The following PLEKHB1 variants were observed in gnomAD, a reference collection of about 807,000 sequenced individuals.
The protein encoded by PLEKHB1 is pleckstrin homology domain-containing family B member 1.
Under a neutral mutation model 36.2 loss-of-function variants are expected in PLEKHB1, and 29 were observed. The observed-to-expected ratio is 0.80, with a 90% CI of 0.60 to 1.09. The LOEUF is 1.09. Among genes scored for constraint, PLEKHB1 ranks in the 50% least tolerant of loss-of-function variants. PLEKHB1 has a pLI of 0.00. For missense variants in PLEKHB1, 330 were observed against 348.2 expected, an observed-to-expected ratio of 0.95 and a Z score of 0.42; for synonymous variants, 138 against 140.0, an observed-to-expected ratio of 0.99 and a Z score of 0.10.
At chr11:73,657,774 C>G (rs1265557319) in intron 6 of PLEKHB1, among the ~76,000 whole-genome samples, 1 of 152,174 alleles carries the variant, frequency 6.6e-6, no homozygotes, top group Non-Finnish European at 1.5e-5. Context: ...CCCTCCAACC[C>G]CTTTTGGGCC....
chr11:73,661,794 A>G lies in PLEKHB1; in HGVS notation c.*192A>G. On this transcript the variant is annotated 3_prime_UTR_variant, in exon 8 of 8. Coordinates refer to ENST00000354190, the MANE Select transcript of PLEKHB1 (RefSeq NM_021200.3). This position sits in a 1 kb window ranked among gnomAD's most constrained non-coding sequence, Gnocchi z 4.6. ...ATGGGAAGAAGCTATCATCACAGGT[A>G]CAAACATCGCTTGAAGTCTTCACAT... 2 of 673,984 alleles carry G rather than the reference A, an allele frequency of 3.0e-6. No individual in the cohort carries two copies. Among genetic ancestry groups the G allele is most frequent in the East Asian group, 3.1e-5 (1 of 31,936 alleles). 41.8% of individuals were successfully genotyped at this position (673,984 alleles called of 1,614,324 possible).
chr11:73,649,006 T>G lies in PLEKHB1; in HGVS notation c.19-6T>G. 1 of 1,587,928 alleles carries G rather than the reference T, an allele frequency of 6.3e-7. No individual in the cohort carries two copies. Among genetic ancestry groups the G allele is most frequent in the Non-Finnish European group, 8.6e-7 (1 of 1,167,228 alleles). ...AGGCCTGTGTCTCCCGTGGCTCCTC[T>G]GACAGGTCCCGCCTGACTCCGCTCT... On this transcript the variant is annotated splice_region_variant and splice_polypyrimidine_tract_variant and intron_variant, in intron 1 of 7. Transcript: ENST00000354190.
intron 1 of PLEKHB1, chr11:73,647,837 G>A (rs908253456): frequency 1.0e-6 from 1 of 976,672 alleles, no homozygotes; most frequent in Non-Finnish European, 1.2e-6. Context: ...GCGGCAAGAG[G>A]AACAGACAAG....
rs189076056 is a variant in PLEKHB1 at position 73,650,362 on chromosome 11, A to C, written c.95-191A>C. ...CACGTGTATCGAGCTTCTGCTATGC[A>C]TCAGACCCAATGGGAGGCAGGAGGT... On this transcript the variant is annotated intron_variant, in intron 2 of 7. Coordinates refer to ENST00000354190, the MANE Select transcript of PLEKHB1 (RefSeq NM_021200.3). Among the ~76,000 whole-genome samples, 82 of 152,328 alleles carry C rather than the reference A, an allele frequency of 5.4e-4. No homozygotes were observed. In the East Asian group the frequency reaches 9.1e-3, roughly 17 times the overall value.
intron 1 of PLEKHB1, chr11:73,647,643 T>C: frequency 1.0e-6 from 1 of 985,356 alleles, no homozygotes; most frequent in Non-Finnish European, 1.2e-6. Flanking sequence ...CCCCAGGCTC[T>C]CCGGGGCACA....
At chr11:73,650,789 CT>C in intron 3 of PLEKHB1, 84 bp downstream of exon 3, 1 of 1,420,280 alleles carries the variant, frequency 7.0e-7, no homozygotes. Context: ...TGTTGGAAGT[CT>C]TTTTGCAGCT....
At position 73,653,472 on chromosome 11, in the gene PLEKHB1, G is replaced by A. The variant is rs74620362; in HGVS notation, c.390+458G>A. On this transcript the variant is annotated intron_variant, in intron 5 of 7. Coordinates refer to ENST00000354190, the MANE Select transcript of PLEKHB1 (RefSeq NM_021200.3). ...TGCCAGGGATCAGAGGTGAACCAAG[G>A]AGATATGGGCTCTGCCCACCTGGAC... is the stretch of plus-strand genomic sequence containing the variant. 1.4e-4 allele frequency: 65 copies of A among 462,154 alleles called. 1 individual carries two copies. The East Asian group carries it at 4.4e-3, about 31-fold the overall frequency. The allele number at this position is 462,154 out of a possible 1,614,324, so 28.6% of individuals were successfully genotyped here.
At chr11:73,660,919 CGGTCCGTAAGTCCGGACCAG>C (rs1180828600) in intron 7 of PLEKHB1, 67 bp downstream of exon 7, 1 of 1,423,526 alleles carries the variant, frequency 7.0e-7, no homozygotes, top group Non-Finnish European at 9.7e-7. Context: ...GCCCAGCCCA[CGGTCCGTAAGTCCGGACCAG>C]GCTTCATCCT....
At chr11:73,651,348 T>C in intron 3 of PLEKHB1, 1 of 414,652 alleles carries the variant, frequency 2.4e-6, no homozygotes, top group Non-Finnish European at 4.6e-6. Context: ...AGCTAGACCC[T>C]GTCTCAAAAA....
intron 4 of PLEKHB1, 179 bp downstream of exon 4, chr11:73,652,069 A>G: frequency 1.6e-6 from 1 of 606,994 alleles, no homozygotes; most frequent in Non-Finnish European, 2.9e-6. Flanking sequence ...CTGGCATGGC[A>G]CACAGTGAAC....
At chr11:73,654,105 TAGG>T (rs982666932) in intron 5 of PLEKHB1, among the ~76,000 whole-genome samples, 1 of 151,728 alleles carries the variant, frequency 6.6e-6, no homozygotes, top group African/African-American at 2.4e-5. Flanking sequence ...AGAGGCCACT[TAGG>T]AGGCTGGGAC....
chr11:73,659,350 T>C (rs1565333721), intron 6 of PLEKHB1, among the ~76,000 whole-genome samples: 1 of 152,044 alleles, frequency 6.6e-6, no homozygotes, highest in Non-Finnish European at 1.5e-5. Context: ...ACTGTTCAGG[T>C]GTGAATCCCA....
At chr11:73,660,063 A>G (rs950173280) in intron 6 of PLEKHB1, among the ~76,000 whole-genome samples, 1 of 152,234 alleles carries the variant, frequency 6.6e-6, no homozygotes, top group Non-Finnish European at 1.5e-5. Flanking sequence ...CATTTTCTAC[A>G]TTTATATATG....
intron 6 of PLEKHB1, among the ~76,000 whole-genome samples, 177 bp downstream of exon 6, chr11:73,656,084 T>C (rs1944988858): frequency 1.3e-5 from 2 of 152,190 alleles, no homozygotes; most frequent in Non-Finnish European, 2.9e-5. Flanking sequence ...ACCTTTTCCC[T>C]CTGCCAGCCT....
At position 73,662,265 on chromosome 11, in the gene PLEKHB1, G is replaced by T. The variant is rs1945141261; in HGVS notation, c.*663G>T. On this transcript the variant is annotated 3_prime_UTR_variant, in exon 8 of 8. Coordinates refer to ENST00000354190, the MANE Select transcript of PLEKHB1 (RefSeq NM_021200.3). The stretch of plus-strand genomic sequence containing the variant: ...TTCTCTGGAGGGAAGTTTCATGATT[G>T]CATCTATAATGAATATATTGCCTGT... 1.3e-5 allele frequency: 2 copies of T among 152,252 alleles called. No individual in the cohort carries two copies. Among genetic ancestry groups the T allele is most frequent in the African/African-American group, 4.8e-5 (2 of 41,424 alleles). The allele number at this position is 152,252 out of a possible 1,614,324, so 9.4% of individuals were successfully genotyped here.
At chr11:73,656,677 G>A (rs1944999275) in intron 6 of PLEKHB1, among the ~76,000 whole-genome samples, 1 of 152,172 alleles carries the variant, frequency 6.6e-6, no homozygotes. Context: ...GCAGGAGGGG[G>A]CTTGAGTGAG....
Position 73,661,549 on chromosome 11 carries a change from G to A in PLEKHB1, c.679G>A (p.Ala227Thr). 6.2e-7 allele frequency: 1 copy of A among 1,610,098 alleles called. No individual in the cohort carries two copies. The highest frequency in any genetic ancestry group is 8.5e-7 in the Non-Finnish European group (1 of 1,177,938). ...TCTGGCCATGGGCATGCTTGCGGGA[G>A]CCGCCACTGGGGCGGCGCTGGGCTC... is the stretch of plus-strand genomic sequence containing the variant. ...APLAMGMLAG[A>T]ATGAALGSLM... The change falls in exon 8 of 8, where the codon GCC becomes ACC. Residue 227 changes from alanine to threonine, a missense_variant. Physicochemically the swap from Ala to Thr is moderately conservative, Grantham distance 58. Transcript: ENST00000354190. This position sits in a 1 kb window ranked among gnomAD's most constrained non-coding sequence, Gnocchi z 4.6.
chr11:73,657,073 G>A (rs1203813321), intron 6 of PLEKHB1, among the ~76,000 whole-genome samples: 13 of 152,140 alleles, frequency 8.5e-5, no homozygotes, highest in Admixed American at 8.5e-4. Flanking sequence ...TCAGGAGGCG[G>A]ACGTGGTTGC....
intron 5 of PLEKHB1, among the ~76,000 whole-genome samples, chr11:73,654,815 G>A (rs916748587): frequency 3.3e-5 from 5 of 152,178 alleles, no homozygotes; most frequent in African/African-American, 1.2e-4. Flanking sequence ...GGTCATCGGG[G>A]CCAGCTCATG....
Sources: allele counts gnomAD v4.1 joint callset (sites outside exome capture counted in the v4.1 genomes callset), GRCh38; gene constraint gnomAD v4.1.1; non-coding constraint Gnocchi (gnomAD v3.1); transcripts MANE v1.5; gene names NCBI Gene and HGNC (gene_info 2026-07-23, HGNC 2026-07-21).